PALLD: variants seen among roughly 807,000 people sequenced by gnomAD.
The protein encoded by PALLD is palladin.
In PALLD, 61 loss-of-function variants were observed where a neutral mutation model predicts 123.5. That is an observed-to-expected ratio of 0.49 (90% CI 0.40 to 0.61). PALLD has a LOEUF of 0.61. Among genes scored for constraint, PALLD ranks in the 20% least tolerant of loss-of-function variants. PALLD has a pLI of 0.00. For missense variants in PALLD, 1,273 were observed against 1,377.0 expected, an observed-to-expected ratio of 0.92 and a Z score of 1.20; for synonymous variants, 465 against 496.4, an observed-to-expected ratio of 0.94 and a Z score of 0.84.
intron 10 of PALLD, among the ~76,000 whole-genome samples, chr4:168,761,662 T>G (rs377639016): frequency 0.37 from 48,384 of 131,328 alleles, 10,167 homozygotes; most frequent in Non-Finnish European, 0.41. Flanking sequence ...TTTTTTTTTT[T>G]TTTTTTTTTT....
chr4:168,632,326 TAGAA>T (rs1732202284), intron 2 of PALLD, among the ~76,000 whole-genome samples: 2 of 152,284 alleles, frequency 1.3e-5, no homozygotes, highest in East Asian at 1.9e-4. Context: ...TCGGTTGAAA[TAGAA>T]GGAAACTTTC....
At chr4:168,686,939 G>A (rs538963492) in intron 6 of PALLD, among the ~76,000 whole-genome samples, 2 of 152,324 alleles carry the variant, frequency 1.3e-5, no homozygotes, top group South Asian at 2.1e-4. Flanking sequence ...AGAAATTGAT[G>A]TGTAATCGGA....
chr4:168,926,432 G>C lies in PALLD; in HGVS notation c.*252G>C. On this transcript the variant is annotated 3_prime_UTR_variant, in exon 22 of 22. Coordinates refer to ENST00000505667, the MANE Select transcript of PALLD (RefSeq NM_001166108.2). ...GAAACACTGAAACAGCCATTGCCTT[G>C]ACCAACATATTCCTTTGTCACATTA... is the stretch of plus-strand genomic sequence containing the variant. 7.4e-7 allele frequency: 1 copy of C among 1,345,390 alleles called. No homozygotes were observed. The highest frequency in any genetic ancestry group is 1.0e-6 in the Non-Finnish European group (1 of 972,886). The allele number at this position is 1,345,390 out of a possible 1,614,324, so 83.3% of individuals were successfully genotyped here.
At chr4:168,662,202 C>CA in intron 2 of PALLD, among the ~76,000 whole-genome samples, 1 of 152,222 alleles carries the variant, frequency 6.6e-6, no homozygotes, top group South Asian at 2.1e-4. Context: ...TCCAGGTATT[C>CA]AAAATGGAAT....
At chr4:168,578,320 C>T (rs936233102) in intron 2 of PALLD, among the ~76,000 whole-genome samples, 11 of 152,034 alleles carry the variant, frequency 7.2e-5, no homozygotes, top group East Asian at 1.9e-4. Flanking sequence ...ATAATCTTCA[C>T]GTGTCATAGG....
intron 10 of PALLD, among the ~76,000 whole-genome samples, chr4:168,741,128 C>T (rs1306018482): frequency 2.0e-5 from 3 of 152,244 alleles, no homozygotes; most frequent in East Asian, 3.9e-4. Flanking sequence ...GGCTCATTTC[C>T]ATAAAACTAA....
chr4:168,721,298 A>G (rs564430550), intron 10 of PALLD, among the ~76,000 whole-genome samples: 2 of 152,302 alleles, frequency 1.3e-5, no homozygotes, highest in East Asian at 3.9e-4. Context: ...CTTTTATTTT[A>G]AAAGGGGGAG....
chr4:168,888,548 A>T (rs994393756), intron 10 of PALLD, among the ~76,000 whole-genome samples: 15 of 152,124 alleles, frequency 9.9e-5, no homozygotes, highest in Admixed American at 5.2e-4. Flanking sequence ...TGCATTTCTG[A>T]CACAGTGATA....
At chr4:168,783,488 G>A (rs1183008996) in intron 10 of PALLD, among the ~76,000 whole-genome samples, 1 of 152,096 alleles carries the variant, frequency 6.6e-6, no homozygotes, top group Non-Finnish European at 1.5e-5. Flanking sequence ...GAGGTGATGA[G>A]ACCAGGAGGA....
intron 2 of PALLD, among the ~76,000 whole-genome samples, chr4:168,557,386 T>C (rs9997628): frequency 0.37 from 56,345 of 152,008 alleles, 10,710 homozygotes; most frequent in East Asian, 0.65. Flanking sequence ...TAGAGTTCCA[T>C]GCATCTGAGA....
At chr4:168,572,706 A>C (rs1022054751) in intron 2 of PALLD, among the ~76,000 whole-genome samples, 1 of 151,972 alleles carries the variant, frequency 6.6e-6, no homozygotes, top group Admixed American at 6.6e-5. Context: ...TTACTTCATC[A>C]GCAGGTCCCA....
At chr4:168,622,988 T>C (rs914113391) in intron 2 of PALLD, among the ~76,000 whole-genome samples, 9 of 152,240 alleles carry the variant, frequency 5.9e-5, no homozygotes, top group Non-Finnish European at 7.3e-5. Flanking sequence ...AACATTTTCA[T>C]AGGAGAGTTA....
At chr4:168,513,257 G>A (rs1762693788) in intron 2 of PALLD, among the ~76,000 whole-genome samples, 1 of 152,152 alleles carries the variant, frequency 6.6e-6, no homozygotes, top group Non-Finnish European at 1.5e-5. Flanking sequence ...AATCAAGTCA[G>A]GAGCTCCGCA....
At chr4:168,862,891 C>T (rs374862189) in intron 10 of PALLD, among the ~76,000 whole-genome samples, 1 of 152,182 alleles carries the variant, frequency 6.6e-6, no homozygotes, top group Non-Finnish European at 1.5e-5. Context: ...GCCAGAGACA[C>T]ATGTTGCAAT....
At chr4:168,730,071 C>T (rs1031681182) in intron 10 of PALLD, among the ~76,000 whole-genome samples, 4 of 152,178 alleles carry the variant, frequency 2.6e-5, no homozygotes, top group Non-Finnish European at 5.9e-5. Context: ...TCTGAAAACA[C>T]TCATGTATAT....
chr4:168,557,842 T>G (rs558614095), intron 2 of PALLD, among the ~76,000 whole-genome samples: 2 of 152,076 alleles, frequency 1.3e-5, no homozygotes, highest in South Asian at 4.1e-4. Context: ...AGCAGGGGGA[T>G]TCCCTCCTGC....
intron 10 of PALLD, among the ~76,000 whole-genome samples, chr4:168,846,535 T>A (rs1167187049): frequency 2.0e-5 from 3 of 152,186 alleles, no homozygotes; most frequent in Non-Finnish European, 4.4e-5. Context: ...TAAGAGGAAC[T>A]CCAGGAAGCC....
At chr4:168,801,813 A>G (rs1480390269) in intron 10 of PALLD, among the ~76,000 whole-genome samples, 1 of 152,140 alleles carries the variant, frequency 6.6e-6, no homozygotes, top group African/African-American at 2.4e-5. Context: ...TCACCTGAAC[A>G]CCCCATAAAT....
chr4:168,505,126 T>G (rs936702524), intron 1 of PALLD, among the ~76,000 whole-genome samples: 1 of 152,218 alleles, frequency 6.6e-6, no homozygotes, highest in African/African-American at 2.4e-5. Flanking sequence ...GAAACCGCCC[T>G]TGTTCATCCT....
Sources: gnomAD v4.1 joint callset for allele counts (sites outside exome capture counted in the v4.1 genomes callset) on GRCh38, gnomAD v4.1.1 for gene constraint, MANE v1.5 for transcripts, NCBI Gene and HGNC (gene_info 2026-07-23, HGNC 2026-07-21) for gene names.